The following ERBB4 variants were observed in gnomAD, a reference collection of about 807,000 sequenced individuals.
The protein encoded by ERBB4 is receptor tyrosine-protein kinase erbB-4.
In ERBB4, 42 loss-of-function variants were observed where a neutral mutation model predicts 158.0. The observed-to-expected ratio is 0.27, with a 90% CI of 0.21 to 0.34. The LOEUF is 0.34. ERBB4 is among the 10% of genes least tolerant of loss of function. The pLI is 1.00. For missense variants in ERBB4, 1,333 were observed against 1,624.1 expected (o/e 0.82, Z 3.08); for synonymous variants, 583 against 558.7 (o/e 1.04, Z -0.61).
intron 20 of ERBB4, among the ~76,000 whole-genome samples, chr2:211,438,989 AGTGT>A (rs58211149): frequency 0.068 from 10,108 of 149,148 alleles, 640 homozygotes; most frequent in African/African-American, 0.17. Flanking sequence ...AATATATTTG[AGTGT>A]GTGTGTGTGT....
At chr2:212,245,596 G>C (rs2084278603) in intron 1 of ERBB4, among the ~76,000 whole-genome samples, 1 of 151,908 alleles carries the variant, frequency 6.6e-6, no homozygotes, top group Admixed American at 6.6e-5. Flanking sequence ...TACTGTAAAA[G>C]GTGAAATTAT....
chr2:212,176,337 A>T lies in ERBB4; in HGVS notation c.83-51434T>A, dbSNP rs533345560. Among the ~76,000 whole-genome samples, 46 of 152,000 alleles carry T rather than the reference A, an allele frequency of 3.0e-4. 1 individual carries two copies. In the South Asian group the frequency reaches 9.3e-3, roughly 31 times the overall value. On this transcript the variant is annotated intron_variant, in intron 1 of 27. Coordinates refer to ENST00000342788, the MANE Select transcript of ERBB4 (RefSeq NM_005235.3). The stretch of plus-strand genomic sequence containing the variant: ...GTCTTTGGGAAGTAAATAGGTTTAG[A>T]TGAGGTAATGAGGGTGAGGCTCTCA...
At chr2:212,256,657 T>C (rs774102773) in intron 1 of ERBB4, among the ~76,000 whole-genome samples, 5 of 152,142 alleles carry the variant, frequency 3.3e-5, no homozygotes, top group South Asian at 2.1e-4. Flanking sequence ...CCTTAAATTA[T>C]AGGTAAAACA....
chr2:212,034,364 T>C (rs1196318538), intron 2 of ERBB4, among the ~76,000 whole-genome samples: 1 of 152,028 alleles, frequency 6.6e-6, no homozygotes, highest in Non-Finnish European at 1.5e-5. Flanking sequence ...AATAAGTCAA[T>C]ATGGCTTTAT....
chr2:211,944,191 A>AT (rs1553517894), intron 3 of ERBB4, among the ~76,000 whole-genome samples: 16 of 86,144 alleles, frequency 1.9e-4, no homozygotes, highest in African/African-American at 3.9e-4. Flanking sequence ...ATATATATAT[A>AT]TATATATACT....
At chr2:212,480,529 A>T (rs1188804993) in intron 1 of ERBB4, among the ~76,000 whole-genome samples, 1 of 152,226 alleles carries the variant, frequency 6.6e-6, no homozygotes, top group South Asian at 2.1e-4. Context: ...GAGCTACTCT[A>T]TTCTTATCCC....
At chr2:211,649,331 C>G (rs2070896242) in intron 16 of ERBB4, among the ~76,000 whole-genome samples, 2 of 151,826 alleles carry the variant, frequency 1.3e-5, no homozygotes, top group African/African-American at 4.8e-5. Flanking sequence ...TGTAGCATAC[C>G]TGATATAGAT....
intron 20 of ERBB4, among the ~76,000 whole-genome samples, chr2:211,504,749 A>G (rs1385472217): frequency 6.6e-6 from 1 of 152,130 alleles, no homozygotes; most frequent in Admixed American, 6.5e-5. Flanking sequence ...AGATAAATAT[A>G]TTTTTGAAAA....
At chr2:212,535,963 G>C (rs560508298) in intron 1 of ERBB4, among the ~76,000 whole-genome samples, 1 of 152,256 alleles carries the variant, frequency 6.6e-6, no homozygotes, top group East Asian at 1.9e-4. Flanking sequence ...ACTTTCCCCT[G>C]AACTCCAAGC....
At chr2:211,656,900 T>A (rs907549764) in intron 16 of ERBB4, among the ~76,000 whole-genome samples, 1 of 152,206 alleles carries the variant, frequency 6.6e-6, no homozygotes, top group African/African-American at 2.4e-5. Flanking sequence ...TGGGTGATTA[T>A]GAAAAAGCCA....
intron 20 of ERBB4, among the ~76,000 whole-genome samples, chr2:211,526,969 A>C (rs1316901410): frequency 6.6e-6 from 1 of 152,140 alleles, no homozygotes; most frequent in African/African-American, 2.4e-5. Context: ...TCAGAAGTGC[A>C]AATCTAAGAG....
At chr2:212,384,067 G>A (rs573712750) in intron 1 of ERBB4, among the ~76,000 whole-genome samples, 5 of 151,660 alleles carry the variant, frequency 3.3e-5, no homozygotes, top group African/African-American at 1.2e-4. Context: ...GAATAAAGGT[G>A]TCCTAAAGGT....
At chr2:211,831,199 C>T (rs12990694) in intron 3 of ERBB4, among the ~76,000 whole-genome samples, 16,353 of 152,124 alleles carry the variant, frequency 0.11, 1,176 homozygotes, top group Non-Finnish European at 0.15. Flanking sequence ...GTTCCAACTA[C>T]GCTTTCCAAA....
chr2:211,823,597 T>C (rs993288015), intron 3 of ERBB4, among the ~76,000 whole-genome samples: 7 of 152,042 alleles, frequency 4.6e-5, no homozygotes, highest in African/African-American at 1.7e-4. Context: ...TAGAACCTTA[T>C]GTAATCTTAT....
intron 3 of ERBB4, among the ~76,000 whole-genome samples, chr2:211,876,793 G>A (rs974015540): frequency 1.2e-4 from 18 of 152,064 alleles, no homozygotes; most frequent in African/African-American, 2.4e-4. Flanking sequence ...ACTGAAGATC[G>A]ATCCACTTTC....
At chr2:211,472,249 T>A (rs1222539859) in intron 20 of ERBB4, among the ~76,000 whole-genome samples, 1 of 151,362 alleles carries the variant, frequency 6.6e-6, no homozygotes, top group Non-Finnish European at 1.5e-5. Context: ...TTAGTGATAA[T>A]GACAAGTGTC....
chr2:211,972,825 C>T (rs577756733), intron 2 of ERBB4, among the ~76,000 whole-genome samples: 6 of 152,202 alleles, frequency 3.9e-5, no homozygotes, highest in African/African-American at 9.6e-5. Context: ...TAGGCAATAC[C>T]ATTTAGGACA....
chr2:211,743,921 T>C (rs2074877916), intron 5 of ERBB4, among the ~76,000 whole-genome samples: 1 of 152,210 alleles, frequency 6.6e-6, no homozygotes, highest in African/African-American at 2.4e-5. Flanking sequence ...TTGTTAGGTT[T>C]ATAGGGTCAT....
At chr2:211,566,569 G>A (rs948574221) in intron 19 of ERBB4, among the ~76,000 whole-genome samples, 1 of 152,058 alleles carries the variant, frequency 6.6e-6, no homozygotes, top group Non-Finnish European at 1.5e-5. Flanking sequence ...TATAAAGAGA[G>A]TATAGATGAA....
Sources: gnomAD v4.1 joint callset for allele counts (sites outside exome capture counted in the v4.1 genomes callset) on GRCh38, gnomAD v4.1.1 for gene constraint, MANE v1.5 for transcripts, NCBI Gene and HGNC (gene_info 2026-07-23, HGNC 2026-07-21) for gene names.